SFXN5: variants seen among roughly 807,000 people sequenced by gnomAD.
SFXN5 encodes sideroflexin-5.
A neutral mutation model predicts 50.2 loss-of-function variants in SFXN5; 43 were observed. That is an observed-to-expected ratio of 0.86 (90% CI 0.67 to 1.11). The LOEUF is 1.11. Among genes scored for constraint, SFXN5 ranks in the 50% least tolerant of loss-of-function variants. The pLI is 0.00. For missense variants in SFXN5, 463 were observed against 454.1 expected, an observed-to-expected ratio of 1.02 and a Z score of -0.18; for synonymous variants, 203 against 185.8, an observed-to-expected ratio of 1.09 and a Z score of -0.75.
chr2:73,005,053 A>C (rs1396125997), intron 6 of SFXN5, among the ~76,000 whole-genome samples: 1 of 152,088 alleles, frequency 6.6e-6, no homozygotes, highest in Non-Finnish European at 1.5e-5. Context: ...AGTGGATTGC[A>C]CCTCTTCCAA....
At chr2:73,017,144 T>C (rs7560421) in intron 6 of SFXN5, among the ~76,000 whole-genome samples, 9,113 of 152,218 alleles carry the variant, frequency 0.06, 869 homozygotes, top group African/African-American at 0.2. Context: ...CATCGGTATA[T>C]AGTATACTAC....
At chr2:72,999,382 C>T (rs1230159235) in intron 8 of SFXN5, among the ~76,000 whole-genome samples, 1 of 151,966 alleles carries the variant, frequency 6.6e-6, no homozygotes, top group African/African-American at 2.4e-5. Context: ...CATTTGGCAT[C>T]TGGAGCGCTT....
rs562090309 is a variant in SFXN5 at position 72,947,691 on chromosome 2, A to G, written c.946-2592T>C. Among the ~76,000 whole-genome samples the G allele has an allele frequency of 5.3e-5, 8 of 151,616 alleles. No individual in the cohort carries two copies. In the East Asian group the frequency reaches 9.7e-4, roughly 18 times the overall value. On this transcript the variant is annotated intron_variant, in intron 13 of 13. Coordinates refer to ENST00000272433, the MANE Select transcript of SFXN5 (RefSeq NM_144579.3). Reference sequence around the variant, plus strand: ...GGTGGGCACAGTGGGAGAAGAGAGGACCCTTCCTCTGTAGTCGCTGGTACC... The same window carrying G: ...GGTGGGCACAGTGGGAGAAGAGAGGGCCCTTCCTCTGTAGTCGCTGGTACC...
chr2:72,951,579 G>C (rs888669309), intron 13 of SFXN5, among the ~76,000 whole-genome samples: 1 of 152,174 alleles, frequency 6.6e-6, no homozygotes, highest in Non-Finnish European at 1.5e-5. Flanking sequence ...TGAACCTGGA[G>C]CTAAGGTGCG....
intron 2 of SFXN5, among the ~76,000 whole-genome samples, chr2:73,041,263 T>A (rs902968886): frequency 1.3e-5 from 2 of 152,176 alleles, no homozygotes; most frequent in Non-Finnish European, 2.9e-5. Flanking sequence ...ATGTGAATAT[T>A]TGTATATGTC....
rs1469310530 is a variant in SFXN5, at chr2:72,960,794, G to A, written c.945+337C>T. Among the ~76,000 whole-genome samples the A allele has an allele frequency of 1.3e-5, 2 of 151,904 alleles. No individual in the cohort carries two copies. Among genetic ancestry groups the A allele is most frequent in the Non-Finnish European group, 1.5e-5 (1 of 67,966 alleles). On this transcript the variant is annotated intron_variant, in intron 13 of 13. Transcript: ENST00000272433. The surrounding 1 kb of genome is among the most constrained non-coding windows in gnomAD (Gnocchi z 6.1). ...GTCCGCGGACCTCACATCTCCCCCC[G>A]CCACCCCTTTTCATCTGGCCAACTC...
At chr2:73,065,788 C>A (rs1683129970) in intron 1 of SFXN5, among the ~76,000 whole-genome samples, 1 of 152,328 alleles carries the variant, frequency 6.6e-6, no homozygotes, top group East Asian at 1.9e-4. Context: ...CTCCTGTCAT[C>A]AAGTGATCTG....
At chr2:72,996,041 C>T (rs1002977027) in intron 9 of SFXN5, among the ~76,000 whole-genome samples, 1 of 152,150 alleles carries the variant, frequency 6.6e-6, no homozygotes, top group Non-Finnish European at 1.5e-5. Flanking sequence ...TGCTCCTCTC[C>T]ATGGGGGAGA....
chr2:73,023,998 G>A (rs1410839141), intron 3 of SFXN5, among the ~76,000 whole-genome samples: 1 of 151,950 alleles, frequency 6.6e-6, no homozygotes, highest in Non-Finnish European at 1.5e-5. Flanking sequence ...ATCATGTGCC[G>A]CATACGAAAG....
chr2:73,061,846 T>C (rs1382432937), intron 1 of SFXN5, among the ~76,000 whole-genome samples: 1 of 152,154 alleles, frequency 6.6e-6, no homozygotes, highest in South Asian at 2.1e-4. Flanking sequence ...CCAGTCACAG[T>C]GGCTTGCTCC....
intron 2 of SFXN5, among the ~76,000 whole-genome samples, chr2:73,046,055 T>G: frequency 6.7e-6 from 1 of 148,914 alleles, no homozygotes; most frequent in Non-Finnish European, 1.5e-5. Flanking sequence ...CCCAAGAACT[T>G]TAAGCCTGGC....
At chr2:73,013,835 C>G (rs1210241212) in intron 6 of SFXN5, among the ~76,000 whole-genome samples, 2 of 152,068 alleles carry the variant, frequency 1.3e-5, no homozygotes, top group African/African-American at 4.8e-5. Flanking sequence ...AAATGAAGCA[C>G]CCCCTGTTCT....
chr2:72,954,817 T>A (rs1672901214), intron 13 of SFXN5, among the ~76,000 whole-genome samples: 1 of 152,202 alleles, frequency 6.6e-6, no homozygotes, highest in Admixed American at 6.5e-5. Context: ...AGGGGCAGCA[T>A]GTAACTCAAG....
In SFXN5 at chr2:73,001,637, A is replaced by G; in HGVS notation, c.358-59T>C. 6 of 1,560,264 alleles carry G rather than the reference A, an allele frequency of 3.8e-6. No individual in the cohort carries two copies. In the South Asian group the frequency reaches 6.7e-5, roughly 17 times the overall value. On this transcript the variant is annotated intron_variant, in intron 6 of 13. Transcript: ENST00000272433. ...CAGAAGAAACATCCTATGCTTTTGC[A>G]AAGAAAAAATACGCTACCACAAATG...
At chr2:72,981,801 C>T (rs1671330720) in intron 10 of SFXN5, among the ~76,000 whole-genome samples, 2 of 152,236 alleles carry the variant, frequency 1.3e-5, no homozygotes, top group African/African-American at 4.8e-5. Flanking sequence ...CCTTTGATAA[C>T]ATGATCTAAT....
chr2:73,024,084 CTT>C (rs769294520), intron 3 of SFXN5, among the ~76,000 whole-genome samples: 6 of 146,070 alleles, frequency 4.1e-5, no homozygotes, highest in Non-Finnish European at 4.5e-5. Context: ...TAAAGTAGGC[CTT>C]TTTTTTTTTT....
intron 11 of SFXN5, among the ~76,000 whole-genome samples, chr2:72,970,377 G>A (rs1675006251): frequency 6.6e-6 from 1 of 152,192 alleles, no homozygotes; most frequent in South Asian, 2.1e-4. Flanking sequence ...TGCAATGTCG[G>A]CATGACACCC....
chr2:73,027,902 T>A lies in SFXN5; in HGVS notation c.250-4688A>T, dbSNP rs2105866332. On this transcript the variant is annotated intron_variant, in intron 3 of 13. Coordinates refer to ENST00000272433, the MANE Select transcript of SFXN5 (RefSeq NM_144579.3). ...GTCTCCAACTCCTGGGCTCAAGCAA[T>A]CCTCCCACTTCCACCTCCCAAAGTG... Among the ~76,000 whole-genome samples, 2 of 152,222 alleles carry A rather than the reference T, an allele frequency of 1.3e-5. 1 individual carries two copies. Among genetic ancestry groups the A allele is most frequent in the South Asian group, 4.1e-4 (2 of 4,822 alleles).
intron 6 of SFXN5, among the ~76,000 whole-genome samples, chr2:73,010,894 A>C (rs1350750139): frequency 6.6e-6 from 1 of 152,258 alleles, no homozygotes; most frequent in Non-Finnish European, 1.5e-5. Context: ...ATATATTCAG[A>C]GGCAAATTCA....
Sources: allele counts gnomAD v4.1 joint callset (sites outside exome capture counted in the v4.1 genomes callset), GRCh38; gene constraint gnomAD v4.1.1; non-coding constraint Gnocchi (gnomAD v3.1); transcripts MANE v1.5; gene names NCBI Gene and HGNC (gene_info 2026-07-23, HGNC 2026-07-21).